ERBIN: variants seen among roughly 807,000 people sequenced by gnomAD.
The protein encoded by ERBIN is densin-180-like protein.
Under a neutral mutation model 158.4 loss-of-function variants are expected in ERBIN, and 60 were observed. The ratio of observed to expected loss-of-function variants is 0.38; its 90% CI spans 0.31 to 0.47. The LOEUF is 0.47. Ranked by LOEUF, ERBIN falls within the 20% of genes least tolerant of loss-of-function variation. The probability of loss-of-function intolerance (pLI) is 0.99; values close to 1 mark genes in which losing one functional copy is unlikely to be tolerated. For synonymous variants in ERBIN, 594 were observed against 557.2 expected, an observed-to-expected ratio of 1.07 and a Z score of -0.93; for missense variants, 1,610 against 1,648.0, an observed-to-expected ratio of 0.98 and a Z score of 0.40.
rs59712256 is a variant in ERBIN, at chr5:65,948,762, GT to G, written c.-58+21975del. On this transcript the variant is annotated intron_variant, in intron 1 of 25. Coordinates refer to ENST00000284037, the MANE Select transcript of ERBIN (RefSeq NM_001253697.2). ...ATGACATACTGGAGTTCTGTTTTGC[GT>G]TTTTTTTTTTTTTTTTTTGAGACAG... is the stretch of plus-strand genomic sequence containing the variant. 5.5e-3 allele frequency among the ~76,000 whole-genome samples: 578 copies of G among 105,598 alleles called. 3 individuals carry two copies. Among genetic ancestry groups the G allele is most frequent in the Non-Finnish European group, 8.0e-3 (447 of 56,084 alleles). The allele number at this position is 105,598 out of a possible 152,430, so 69.3% of individuals were successfully genotyped here.
At chr5:65,974,933 C>G (rs1256698932) in intron 1 of ERBIN, among the ~76,000 whole-genome samples, 1 of 152,126 alleles carries the variant, frequency 6.6e-6, no homozygotes, top group African/African-American at 2.4e-5. Flanking sequence ...ATGAAGAAAT[C>G]TCGTAAAGTA....
intron 4 of ERBIN, among the ~76,000 whole-genome samples, chr5:65,997,222 G>C (rs1280037218): frequency 6.6e-6 from 1 of 152,146 alleles, no homozygotes; most frequent in Non-Finnish European, 1.5e-5. Flanking sequence ...TCATTGTTAA[G>C]TATGATGTGA....
chr5:66,071,526 A>G (rs1420033313), intron 21 of ERBIN, among the ~76,000 whole-genome samples: 1 of 152,236 alleles, frequency 6.6e-6, no homozygotes, highest in African/African-American at 2.4e-5. Flanking sequence ...TCTCCATATC[A>G]GTACTTCTGA....
chr5:65,977,668 C>T (rs1173935311), intron 1 of ERBIN, among the ~76,000 whole-genome samples: 2 of 150,304 alleles, frequency 1.3e-5, no homozygotes, highest in Non-Finnish European at 3.0e-5. Context: ...TCCTCACTTT[C>T]CAGACTGGGC....
At chr5:65,962,814 A>G (rs1181160570) in intron 1 of ERBIN, among the ~76,000 whole-genome samples, 6 of 152,210 alleles carry the variant, frequency 3.9e-5, no homozygotes, top group Admixed American at 2.0e-4. Context: ...TTGTTCATCA[A>G]TGAACAGTTT....
chr5:65,969,718 T>A (rs191368065), intron 1 of ERBIN, among the ~76,000 whole-genome samples: 1 of 152,280 alleles, frequency 6.6e-6, no homozygotes, highest in African/African-American at 2.4e-5. Flanking sequence ...CACAGCTTGA[T>A]TTTGTGTCAC....
chr5:66,036,516 T>C (rs2151185468), intron 14 of ERBIN, among the ~76,000 whole-genome samples: 1 of 152,310 alleles, frequency 6.6e-6, no homozygotes, highest in African/African-American at 2.4e-5. Flanking sequence ...TTGCTAATCA[T>C]TCAAGATAGT....
intron 1 of ERBIN, among the ~76,000 whole-genome samples, chr5:65,977,921 G>A (rs892195218): frequency 4.0e-5 from 6 of 150,974 alleles, no homozygotes; most frequent in Non-Finnish European, 7.4e-5. Context: ...TCAGGAGGCC[G>A]AGGCTGGCGG....
intron 13 of ERBIN, among the ~76,000 whole-genome samples, chr5:66,027,442 CT>C (rs1379490159): frequency 1.3e-5 from 2 of 152,038 alleles, no homozygotes; most frequent in South Asian, 2.1e-4. Context: ...ATTTAGTATT[CT>C]AATGAGTATT....
At chr5:65,968,744 A>G (rs1748935525) in intron 1 of ERBIN, among the ~76,000 whole-genome samples, 1 of 152,108 alleles carries the variant, frequency 6.6e-6, no homozygotes, top group Non-Finnish European at 1.5e-5. Context: ...TATTTTTAGT[A>G]GAGACAGGGT....
intron 14 of ERBIN, among the ~76,000 whole-genome samples, chr5:66,033,927 G>GGGGA (rs1360958306): frequency 6.6e-6 from 1 of 152,014 alleles, no homozygotes; most frequent in Non-Finnish European, 1.5e-5. Flanking sequence ...TGACCAATAT[G>GGGGA]GGGAAATCCC....
In ERBIN at chr5:65,952,551, CT is replaced by C. The variant is rs199772832; in HGVS notation, c.-58+25756del. ...GCTCCTGGCTTGTGTATTTGTTATA[CT>C]TTTTTTTTTTCTAGATTAACAATTG... On this transcript the variant is annotated intron_variant, in intron 1 of 25. Coordinates refer to ENST00000284037, the MANE Select transcript of ERBIN (RefSeq NM_001253697.2). Among the ~76,000 whole-genome samples the C allele has an allele frequency of 4.5e-3, 669 of 147,058 alleles. 9 individuals carry two copies. Among genetic ancestry groups the C allele is most frequent in the East Asian group, 0.024 (121 of 5,092 alleles).
chr5:66,048,969 T>C (rs1036408206), intron 19 of ERBIN, among the ~76,000 whole-genome samples, 188 bp downstream of exon 19: 1 of 152,064 alleles, frequency 6.6e-6, no homozygotes, highest in African/African-American at 2.4e-5. Context: ...TAGTCTTTTC[T>C]TTCTCCTCAT....
chr5:66,013,187 T>C (rs888270511), intron 5 of ERBIN, among the ~76,000 whole-genome samples: 6 of 152,202 alleles, frequency 3.9e-5, no homozygotes, highest in Non-Finnish European at 5.9e-5. Context: ...AGAAATTCTT[T>C]TCTAGTCCTT....
At chr5:66,029,692 C>T (rs1365377453) in intron 14 of ERBIN, among the ~76,000 whole-genome samples, 2 of 152,020 alleles carry the variant, frequency 1.3e-5, no homozygotes, top group Non-Finnish European at 2.9e-5. Context: ...GCAACCTCCA[C>T]CTCCTGGGTT....
chr5:66,053,161 G>A (rs116741778), intron 20 of ERBIN, among the ~76,000 whole-genome samples: 179 of 152,184 alleles, frequency 1.2e-3, no homozygotes, highest in African/African-American at 4.0e-3. Context: ...TGAGTGTATT[G>A]ATGAAAATTA....
intron 1 of ERBIN, among the ~76,000 whole-genome samples, chr5:65,929,836 T>A (rs13181720): frequency 6.6e-6 from 1 of 152,058 alleles, no homozygotes; most frequent in Non-Finnish European, 1.5e-5. Context: ...AGACAGGTTT[T>A]GCCATGTTGG....
chr5:66,056,370 G>A (rs1421155126), intron 21 of ERBIN, among the ~76,000 whole-genome samples: 1 of 152,130 alleles, frequency 6.6e-6, no homozygotes, highest in African/African-American at 2.4e-5. Flanking sequence ...GCTATTAGTG[G>A]ACATAGAGGA....
At chr5:66,044,446 C>T (rs1758212548) in intron 17 of ERBIN, 136 bp downstream of exon 17, 1 of 771,618 alleles carries the variant, frequency 1.3e-6, no homozygotes, top group African/African-American at 1.8e-5. Context: ...TCGACATGCT[C>T]ACATACATAT....
Sources: allele counts gnomAD v4.1 joint callset (sites outside exome capture counted in the v4.1 genomes callset), GRCh38; gene constraint gnomAD v4.1.1; transcripts MANE v1.5; gene names NCBI Gene and HGNC (gene_info 2026-07-23, HGNC 2026-07-21).